The following TCF7L2 variants were observed in gnomAD, a reference collection of about 807,000 sequenced individuals.
TCF7L2 encodes transcription factor 7-like 2.
TCF7L2 carries 23 observed loss-of-function variants against 77.9 expected under a neutral mutation model. That is an observed-to-expected ratio of 0.30 (90% CI 0.21 to 0.42). The LOEUF (loss-of-function observed/expected upper bound fraction) is 0.42, where lower values mean the gene tolerates loss of function less well. Ranked by LOEUF, TCF7L2 falls within the 10% of genes least tolerant of loss-of-function variation. TCF7L2 has a pLI of 1.00. For synonymous variants in TCF7L2, 413 were observed against 340.2 expected (o/e 1.21, Z -2.36); for missense variants, 654 against 793.1 (o/e 0.82, Z 2.11).
intron 4 of TCF7L2, among the ~76,000 whole-genome samples, chr10:113,037,875 G>A (rs928886632): frequency 6.6e-6 from 1 of 152,186 alleles, no homozygotes; most frequent in African/African-American, 2.4e-5. Flanking sequence ...GGAGAGGTGA[G>A]TGTTGGTGGG....
At chr10:113,107,314 A>G (rs1405658325) in intron 5 of TCF7L2, among the ~76,000 whole-genome samples, 2 of 152,048 alleles carry the variant, frequency 1.3e-5, no homozygotes, top group African/African-American at 2.4e-5. Flanking sequence ...AAATCTTAGC[A>G]CTTTGTATAA....
intron 4 of TCF7L2, among the ~76,000 whole-genome samples, chr10:112,992,459 C>T (rs2042736795): frequency 6.6e-6 from 1 of 152,184 alleles, no homozygotes; most frequent in Non-Finnish European, 1.5e-5. Context: ...GTTCGAGTTC[C>T]AGCTCACTGC....
intron 5 of TCF7L2, among the ~76,000 whole-genome samples, chr10:113,101,759 C>T (rs1008480508): frequency 2.0e-4 from 28 of 143,350 alleles, no homozygotes; most frequent in African/African-American, 6.6e-4. Flanking sequence ...AGGAGAATGG[C>T]GTGAACCCAG....
At chr10:113,134,847 A>G (rs948011242) in intron 5 of TCF7L2, among the ~76,000 whole-genome samples, 10 of 152,194 alleles carry the variant, frequency 6.6e-5, no homozygotes, top group African/African-American at 2.4e-4. Context: ...AGGAGGGGAA[A>G]AGGCTGACAA....
At chr10:113,138,115 A>G (rs1189317441) in intron 5 of TCF7L2, among the ~76,000 whole-genome samples, 1 of 152,150 alleles carries the variant, frequency 6.6e-6, no homozygotes, top group African/African-American at 2.4e-5. Context: ...GACAGAGAGG[A>G]AGTTCTGTTC....
In TCF7L2 at chr10:113,166,129, T is replaced by A; in HGVS notation, c.*157T>A. The A allele has an allele frequency of 1.7e-6, 1 of 599,912 alleles. No individual in the cohort carries two copies. 37.2% of individuals were successfully genotyped at this position (599,912 alleles called of 1,614,324 possible). The stretch of plus-strand genomic sequence containing the variant: ...TGTTTATCGAGTTCATTGGTCAATA[T>A]TTGACCCATTCTTATTTCAATTTCT... On this transcript the variant is annotated 3_prime_UTR_variant, in exon 14 of 14. Transcript: ENST00000627217.
chr10:113,141,337 C>T (rs2136845451), intron 6 of TCF7L2, 21 bp downstream of exon 6: 1 of 1,613,962 alleles, frequency 6.2e-7, no homozygotes, highest in Non-Finnish European at 8.5e-7. Context: ...GGCTACGGAG[C>T]CAAGGTAGAG....
At chr10:113,009,109 A>G (rs1415812389) in intron 4 of TCF7L2, among the ~76,000 whole-genome samples, 2 of 152,058 alleles carry the variant, frequency 1.3e-5, no homozygotes, top group East Asian at 1.9e-4. Context: ...CTAATTTTTA[A>G]ATTTTTTGAA....
At position 113,040,096 on chromosome 10, in the gene TCF7L2, T is replaced by G. The variant is rs2134265507; in HGVS notation, c.522T>G (p.Asp174Glu). The G allele has an allele frequency of 1.2e-6, 2 of 1,613,990 alleles. No individual in the cohort carries two copies. Among genetic ancestry groups the G allele is most frequent in the Non-Finnish European group, 1.7e-6 (2 of 1,179,930 alleles). ...TCCAGAGTAGACAAGCCCTCAAGGATGCCCGGTCCCCATCACCGGCACACA... is the reference window on the plus strand; with the variant it reads ...TCCAGAGTAGACAAGCCCTCAAGGAGGCCCGGTCCCCATCACCGGCACACA... The change falls in exon 5 of 14, where the codon GAT becomes GAG. Residue 174 changes from aspartate (D) to glutamate (E), a missense_variant. Physicochemically the swap from Asp to Glu is conservative, Grantham distance 45. Around this residue, in one of 6 missense-constraint regions of TCF7L2, gnomAD observed 179 missense variants for 270.6 expected, o/e 0.66. Coordinates refer to ENST00000627217, the MANE Select transcript of TCF7L2 (RefSeq NM_001146274.2).
rs11438946 is a variant in TCF7L2, at chr10:113,078,131, T to TAA, written c.552+38015_552+38016dup. Among the ~76,000 whole-genome samples the TAA allele has an allele frequency of 1.1e-3, 172 of 149,676 alleles. 1 individual carries two copies. The highest frequency in any genetic ancestry group is 3.4e-3 in the Middle Eastern group (1 of 294). ...ATCAGTTGATGGCAAGCTTCAGAAT[T>TAA]AAAAAAAAAAATTAAGCTAGTTCAT... On this transcript the variant is annotated intron_variant, in intron 5 of 13. Transcript: ENST00000627217.
At chr10:113,141,093 G>A (rs2136826973) in intron 5 of TCF7L2, 91 bp from the exon 6 acceptor site, 1 of 1,531,718 alleles carries the variant, frequency 6.5e-7, no homozygotes, top group South Asian at 1.2e-5. Context: ...GTGAGAGGCT[G>A]TGGCCAAGGG....
At chr10:113,089,576 C>G in intron 5 of TCF7L2, 1 of 1,607,000 alleles carries the variant, frequency 6.2e-7, no homozygotes, top group East Asian at 2.2e-5. Context: ...ATGAGATGAG[C>G]TAGCTCTAAA....
At chr10:113,014,858 A>G (rs542167639) in intron 4 of TCF7L2, among the ~76,000 whole-genome samples, 1 of 152,098 alleles carries the variant, frequency 6.6e-6, no homozygotes, top group Non-Finnish European at 1.5e-5. Flanking sequence ...GGAGACTTCA[A>G]CCTTGGGAAA....
chr10:113,157,576 G>A (rs781365208), intron 11 of TCF7L2, among the ~76,000 whole-genome samples: 2 of 152,226 alleles, frequency 1.3e-5, no homozygotes, highest in Non-Finnish European at 2.9e-5. Context: ...AGAACTGTGA[G>A]CAGGTCAGGC....
intron 5 of TCF7L2, among the ~76,000 whole-genome samples, chr10:113,092,623 G>A (rs1050366516): frequency 6.6e-6 from 1 of 152,210 alleles, no homozygotes; most frequent in African/African-American, 2.4e-5. Context: ...GGTCATGCCT[G>A]TAATCCCAGC....
At chr10:113,039,643 G>T (rs996307438) in intron 4 of TCF7L2, among the ~76,000 whole-genome samples, 1 of 152,114 alleles carries the variant, frequency 6.6e-6, no homozygotes, top group African/African-American at 2.4e-5. Flanking sequence ...TCTGGCTTGA[G>T]ATTTGTGTTT....
At chr10:113,008,878 T>A (rs2133549265) in intron 4 of TCF7L2, among the ~76,000 whole-genome samples, 1 of 152,264 alleles carries the variant, frequency 6.6e-6, no homozygotes, top group South Asian at 2.1e-4. Context: ...TCAACCCAGG[T>A]GTGGCCTCAA....
chr10:112,999,634 C>T (rs1347737904), intron 4 of TCF7L2, among the ~76,000 whole-genome samples: 4 of 152,180 alleles, frequency 2.6e-5, no homozygotes, highest in Non-Finnish European at 5.9e-5. Context: ...GCTGAAATTT[C>T]AGTTACTCGT....
intron 6 of TCF7L2, among the ~76,000 whole-genome samples, chr10:113,142,799 C>A (rs561127451): frequency 6.6e-6 from 1 of 152,164 alleles, no homozygotes; most frequent in Non-Finnish European, 1.5e-5. Context: ...AAATGGTTAT[C>A]GTAAAACATA....
Sources: allele counts gnomAD v4.1 joint callset (sites outside exome capture counted in the v4.1 genomes callset), GRCh38; gene constraint gnomAD v4.1.1; regional missense constraint gnomAD v4.1.1; transcripts MANE v1.5; gene names NCBI Gene and HGNC (gene_info 2026-07-23, HGNC 2026-07-21).